Variants in FUBP1 observed in about 807,000 individuals in gnomAD.
FUBP1 encodes the protein far upstream element-binding protein 1.
In FUBP1, 16 loss-of-function variants were observed where a neutral mutation model predicts 94.9. The observed-to-expected ratio is 0.17, with a 90% confidence interval of 0.11 to 0.26. The LOEUF (loss-of-function observed/expected upper bound fraction) is 0.26, where lower values mean the gene tolerates loss of function less well. Among genes scored for constraint, FUBP1 ranks in the 10% least tolerant of loss-of-function variants. The pLI is 1.00. For missense variants in FUBP1, 583 were observed against 808.6 expected, an observed-to-expected ratio of 0.72 and a Z score of 3.38; for synonymous variants, 279 against 254.9, an observed-to-expected ratio of 1.09 and a Z score of -0.90.
At position 77,946,849 on chromosome 1, in the gene FUBP1, G is replaced by A. The variant is rs1464314121; in HGVS notation, c.*1917C>T. 1 of 203,850 alleles carries A rather than the reference G, an allele frequency of 4.9e-6. No individual in the cohort carries two copies. The highest frequency in any genetic ancestry group is 2.3e-5 in the African/African-American group (1 of 43,724). 12.6% of individuals were successfully genotyped at this position (203,850 alleles called of 1,614,324 possible). On this transcript the variant is annotated 3_prime_UTR_variant, in exon 20 of 20. Coordinates refer to ENST00000370768, the MANE Select transcript of FUBP1 (RefSeq NM_003902.5). ...TAAACTTCATACTAGAACTATATATGCAGATCTAAATAAGGGTAAGGGAAG... is the reference window on the plus strand; with the variant it reads ...TAAACTTCATACTAGAACTATATATACAGATCTAAATAAGGGTAAGGGAAG...
At chr1:77,971,460 A>C (rs1657519323) in intron 1 of FUBP1, among the ~76,000 whole-genome samples, 1 of 152,224 alleles carries the variant, frequency 6.6e-6, no homozygotes, top group Non-Finnish European at 1.5e-5. Context: ...CATAAATTCA[A>C]CATGGATCAC....
intron 18 of FUBP1, among the ~76,000 whole-genome samples, chr1:77,951,655 A>G (rs1653493425): frequency 6.6e-6 from 1 of 152,200 alleles, no homozygotes; most frequent in Admixed American, 6.5e-5. Flanking sequence ...AGTTGAGTTT[A>G]TACTTCAGTA....
At chr1:77,956,196 C>G in intron 17 of FUBP1, among the ~76,000 whole-genome samples, 1 of 152,188 alleles carries the variant, frequency 6.6e-6, no homozygotes, top group East Asian at 1.9e-4. Flanking sequence ...AAGTACCCAA[C>G]AGGACATCAT....
intron 13 of FUBP1, 78 bp from the exon 14 acceptor site, chr1:77,963,008 T>A: frequency 2.3e-6 from 2 of 851,862 alleles, no homozygotes; most frequent in Non-Finnish European, 3.7e-6. Context: ...TGGTCACAAT[T>A]AAATGGGCCA....
rs1418561404 is a variant in FUBP1 at position 77,964,113 on chromosome 1, G to A, written c.990C>T (p.Asp330=). The A allele has an allele frequency of 6.2e-7, 1 of 1,608,536 alleles. No homozygotes were observed. The highest frequency in any genetic ancestry group is 8.5e-7 in the Non-Finnish European group (1 of 1,175,016). Reference sequence around the variant, plus strand: ...TAATTTCTGCAGCATGTTGACATCGGTCTGGAGGTCCTGTTATTTGTGCTA... The same window carrying A: ...TAATTTCTGCAGCATGTTGACATCGATCTGGAGGTCCTGTTATTTGTGCTA... ...ERIAQITGPP[D]RCQHAAEIIT... The change falls in exon 12 of 20, where the codon GAC becomes GAT. Residue 330 remains aspartate, a synonymous_variant. Coordinates refer to ENST00000370768, the MANE Select transcript of FUBP1 (RefSeq NM_003902.5).
At chr1:77,965,001 A>C (rs537454554) in intron 8 of FUBP1, 33 bp from the exon 9 acceptor site, 2 of 1,594,702 alleles carry the variant, frequency 1.3e-6, no homozygotes, top group South Asian at 2.2e-5. Flanking sequence ...ATATATTAAC[A>C]AAAGGAAGTG....
Position 77,960,544 on chromosome 1 carries a change from T to C in FUBP1, c.1345-49A>G, listed in dbSNP as rs1471279749. 7 of 1,428,346 alleles carry C rather than the reference T, an allele frequency of 4.9e-6. No homozygotes were observed. In the East Asian group the frequency reaches 1.4e-4, roughly 29 times the overall value. The allele number at this position is 1,428,346 out of a possible 1,614,324, so 88.5% of individuals were successfully genotyped here. On this transcript the variant is annotated intron_variant, in intron 14 of 19. Transcript: ENST00000370768. ...AAAAATCAGAAAAACACAGTAATGG[T>C]TAAACAACTCTACGGCCAAATAATC...
Position 77,962,757 on chromosome 1 carries a change from A to ACTCACACC in FUBP1, c.1344+12_1344+13insGGTGTGAG, listed in dbSNP as rs1331170286. ...GGTCTACACTAAAAATTAAAAGTTT[A>ACTCACACC]AAGTATACTCACACCAATCTTTTCT... is the stretch of plus-strand genomic sequence containing the variant. On this transcript the variant is annotated intron_variant, in intron 14 of 19. Transcript: ENST00000370768. The ACTCACACC allele has an allele frequency of 1.8e-5, 29 of 1,590,718 alleles. 1 individual carries two copies. In the East Asian group the frequency reaches 6.3e-4, roughly 34 times the overall value.
chr1:77,964,652 C>T lies in FUBP1; in HGVS notation c.831G>A (p.Gly277=). Residue 277 remains glycine (G), a synonymous_variant, in exon 10 of 20, where the codon GGG becomes GGA. Coordinates refer to ENST00000370768, the MANE Select transcript of FUBP1 (RefSeq NM_003902.5). ...EYGSRIGGNE[G]IDVPIPRFAV... is the part of the protein sequence containing the mutation. The stretch of plus-strand genomic sequence containing the variant: ...AATGGGTATTTTTACTTACATCTAT[C>T]CCTTCATTTCCTCCTATTCTTGACC... 6.4e-7 allele frequency: 1 copy of T among 1,551,128 alleles called. No individual in the cohort carries two copies. The highest frequency in any genetic ancestry group is 1.1e-5 in the South Asian group (1 of 89,782).
At chr1:77,975,474 C>A (rs996090841) in intron 1 of FUBP1, among the ~76,000 whole-genome samples, 1 of 151,872 alleles carries the variant, frequency 6.6e-6, no homozygotes, top group African/African-American at 2.4e-5. Context: ...ATTATGCAGC[C>A]TAAATCACTT....
intron 14 of FUBP1, among the ~76,000 whole-genome samples, chr1:77,961,109 A>T (rs1655396169): frequency 6.6e-6 from 1 of 152,024 alleles, no homozygotes. Context: ...TTCCCTTTTT[A>T]ATTCCTTCAA....
Position 77,979,059 on chromosome 1 carries a change from G to A in FUBP1, c.-55C>T, listed in dbSNP as rs1659339971. The A allele has an allele frequency of 2.7e-6, 4 of 1,508,022 alleles. No homozygotes were observed. The highest frequency in any genetic ancestry group is 2.8e-5 in the African/African-American group (2 of 71,128). The allele number at this position is 1,508,022 out of a possible 1,614,324, so 93.4% of individuals were successfully genotyped here. ...TTCAGAGACTTCCTCTCAGCTAACA[G>A]CTAAGAAAGAAAGAAAATGGCGGCC... is the stretch of plus-strand genomic sequence containing the variant. On this transcript the variant is annotated 5_prime_UTR_variant, in exon 1 of 20. Transcript: ENST00000370768.
intron 2 of FUBP1, 67 bp downstream of exon 2, chr1:77,969,855 GAAA>G: frequency 1.5e-6 from 1 of 687,134 alleles, no homozygotes; most frequent in South Asian, 2.2e-5. Context: ...TAAAATAACA[GAAA>G]AATACCGAGA....
At chr1:77,970,384 A>G (rs1657296316) in intron 1 of FUBP1, among the ~76,000 whole-genome samples, 1 of 152,250 alleles carries the variant, frequency 6.6e-6, no homozygotes, top group Non-Finnish European at 1.5e-5. Flanking sequence ...CTCAAAGGCT[A>G]TGCTATCTAG....
intron 1 of FUBP1, among the ~76,000 whole-genome samples, chr1:77,970,878 C>G (rs762657408): frequency 2.6e-5 from 4 of 151,980 alleles, no homozygotes; most frequent in Non-Finnish European, 5.9e-5. Context: ...AACTCCATCT[C>G]TACTAAATAC....
At chr1:77,961,067 T>C (rs1194054561) in intron 14 of FUBP1, among the ~76,000 whole-genome samples, 1 of 152,230 alleles carries the variant, frequency 6.6e-6, no homozygotes, top group Non-Finnish European at 1.5e-5. Flanking sequence ...TTTTTGGCCT[T>C]TCATGTATCA....
In FUBP1 at chr1:77,962,884, T is replaced by C. The variant is rs777259406; in HGVS notation, c.1230A>G (p.Ile410Met). 1.2e-6 allele frequency: 2 copies of C among 1,612,958 alleles called. No homozygotes were observed. Among genetic ancestry groups the C allele is most frequent in the Admixed American group, 3.3e-5 (2 of 60,020 alleles). ...KSISQQSGAR[I>M]ELQRNPPPNA... is the part of the protein sequence containing the mutation. The stretch of plus-strand genomic sequence containing the variant: ...TTGGTGGAGGATTTCTCTGAAGTTC[T>C]ATTCTTGCACCAGACTGCTGGCTTA... Residue 410 changes from isoleucine (I) to methionine (M), a missense_variant, in exon 14 of 20, where the codon ATA (isoleucine) becomes ATG (methionine). Ile to Met is a conservative substitution (Grantham distance 10, BLOSUM62 1). Coordinates refer to ENST00000370768, the MANE Select transcript of FUBP1 (RefSeq NM_003902.5).
chr1:77,966,596 C>A, intron 7 of FUBP1, 98 bp downstream of exon 7: 2 of 714,216 alleles, frequency 2.8e-6, no homozygotes, highest in Non-Finnish European at 2.5e-6. Flanking sequence ...GGCAGCGAAA[C>A]CACAGTGTAA....
At chr1:77,952,545 C>T (rs369569094) in intron 18 of FUBP1, among the ~76,000 whole-genome samples, 5 of 152,238 alleles carry the variant, frequency 3.3e-5, no homozygotes, top group East Asian at 1.9e-4. Flanking sequence ...TAGCATCATA[C>T]CCCTGCCACT....
Sources: allele counts gnomAD v4.1 joint callset (sites outside exome capture counted in the v4.1 genomes callset), GRCh38; gene constraint gnomAD v4.1.1; transcripts MANE v1.5; gene names NCBI Gene and HGNC (gene_info 2026-07-23, HGNC 2026-07-21).